The following CLASP1 variants were observed in gnomAD, a reference collection of about 807,000 sequenced individuals.
The protein encoded by CLASP1 is cytoplasmic linker associated protein 1, also known as CLIP-associating protein 1.
A neutral mutation model predicts 192.3 loss-of-function variants in CLASP1; 38 were observed. The ratio of observed to expected loss-of-function variants is 0.20; its 90% CI spans 0.15 to 0.26. The LOEUF (loss-of-function observed/expected upper bound fraction) is 0.26, where lower values mean the gene tolerates loss of function less well. Among genes scored for constraint, CLASP1 ranks in the 10% least tolerant of loss-of-function variants. The probability of loss-of-function intolerance (pLI) is 1.00; values close to 1 mark genes in which losing one functional copy is unlikely to be tolerated. For missense variants in CLASP1, 1,433 were observed against 1,932.5 expected (o/e 0.74, Z 4.85); for synonymous variants, 691 against 712.8 (o/e 0.97, Z 0.49).
At position 121,384,173 on chromosome 2, in the gene CLASP1, C is replaced by T. The variant is rs972519052; in HGVS notation, c.3375-1849G>A. 9.0e-3 allele frequency among the ~76,000 whole-genome samples: 1,333 copies of T among 148,558 alleles called. 25 individuals carry two copies. The highest frequency in any genetic ancestry group is 0.032 in the African/African-American group (1,269 of 39,910). The stretch of plus-strand genomic sequence containing the variant: ...ACACACACACATATATATATATACA[C>T]ACACACACACACACACACACATTTT... On this transcript the variant is annotated intron_variant, in intron 32 of 39. Transcript: ENST00000263710.
At chr2:121,475,307 T>C (rs544672640) in intron 8 of CLASP1, among the ~76,000 whole-genome samples, 4 of 152,354 alleles carry the variant, frequency 2.6e-5, no homozygotes, top group Admixed American at 2.6e-4. Flanking sequence ...TTAACTAACA[T>C]ACTGTTTAAA....
intron 35 of CLASP1, 47 bp downstream of exon 36, chr2:121,367,541 A>G: frequency 6.2e-7 from 1 of 1,611,056 alleles, no homozygotes; most frequent in Non-Finnish European, 8.5e-7. Flanking sequence ...GAGGGAGCAC[A>G]AGGGAAGCAC....
At chr2:121,346,167 G>A (rs534356433) in intron 39 of CLASP1, among the ~76,000 whole-genome samples, 90 of 152,336 alleles carry the variant, frequency 5.9e-4, no homozygotes, top group African/African-American at 2.0e-3. Flanking sequence ...CACTGGCTTC[G>A]TTTGATAGAG....
intron 14 of CLASP1, among the ~76,000 whole-genome samples, chr2:121,455,760 A>C (rs987637346): frequency 1.4e-4 from 22 of 152,024 alleles, no homozygotes; most frequent in African/African-American, 5.3e-4. Flanking sequence ...TACTTGGGAG[A>C]CTGAGGCGGG....
intron 19 of CLASP1, among the ~76,000 whole-genome samples, chr2:121,444,338 T>C (rs1322679896): frequency 6.6e-6 from 1 of 152,024 alleles, no homozygotes; most frequent in Non-Finnish European, 1.5e-5. Context: ...GATGAGGGGA[T>C]GAATGAGAGT....
intron 2 of CLASP1, among the ~76,000 whole-genome samples, chr2:121,557,346 G>C (rs1029558877): frequency 2.0e-5 from 3 of 152,172 alleles, no homozygotes; most frequent in African/African-American, 7.2e-5. Context: ...AGCACTTTGA[G>C]AGGCTGAGGC....
At chr2:121,598,726 A>T (rs966177006) in intron 2 of CLASP1, among the ~76,000 whole-genome samples, 2 of 152,220 alleles carry the variant, frequency 1.3e-5, no homozygotes, top group African/African-American at 4.8e-5. Context: ...ATGAGATAAG[A>T]CAGAGAACAT....
intron 6 of CLASP1, among the ~76,000 whole-genome samples, chr2:121,525,390 C>T (rs935548725): frequency 6.6e-6 from 1 of 152,144 alleles, no homozygotes; most frequent in Admixed American, 6.5e-5. Flanking sequence ...ATGATATACA[C>T]AGTGGAGCCA....
intron 32 of CLASP1, among the ~76,000 whole-genome samples, chr2:121,384,421 G>T (rs2072708955): frequency 6.6e-6 from 1 of 151,948 alleles, no homozygotes; most frequent in Non-Finnish European, 1.5e-5. Flanking sequence ...CTCCTGGGCT[G>T]AAGCAATCCT....
chr2:121,361,648 C>T (rs2149227257), intron 37 of CLASP1, among the ~76,000 whole-genome samples: 1 of 152,096 alleles, frequency 6.6e-6, no homozygotes, highest in Non-Finnish European at 1.5e-5. Context: ...TTATGTGTGG[C>T]CTAAGACAAT....
At chr2:121,509,720 C>T (rs1477815002) in intron 7 of CLASP1, among the ~76,000 whole-genome samples, 5 of 152,088 alleles carry the variant, frequency 3.3e-5, no homozygotes, top group African/African-American at 1.2e-4. Flanking sequence ...CATCTGTAAT[C>T]CCAGCTACTT....
At position 121,421,199 on chromosome 2, in the gene CLASP1, ATAC is replaced by A. The variant is rs533747708; in HGVS notation, c.2213-2473_2213-2471del. 2.1e-3 allele frequency among the ~76,000 whole-genome samples: 323 copies of A among 152,342 alleles called. 1 individual carries two copies. Among genetic ancestry groups the A allele is most frequent in the African/African-American group, 7.3e-3 (304 of 41,582 alleles). ...ATACAAGAGAAATACAAACTCACTTATACTACTACTTTGAAAGACTAATCTAAA... is the reference window on the plus strand; with the variant it reads ...ATACAAGAGAAATACAAACTCACTTATACTACTTTGAAAGACTAATCTAAA... On this transcript the variant is annotated intron_variant, in intron 22 of 39. Coordinates refer to ENST00000263710, the Ensembl canonical transcript of CLASP1.
chr2:121,418,630 G>A lies in CLASP1; in HGVS notation c.2312C>T (p.Pro771Leu), dbSNP rs930215943. 5.0e-6 allele frequency: 8 copies of A among 1,612,446 alleles called. No individual in the cohort carries two copies. Among genetic ancestry groups the A allele is most frequent in the Non-Finnish European group, 6.8e-6 (8 of 1,178,736 alleles). The change falls in exon 23 of 40, where the codon CCT becomes CTT. Residue 771 changes from proline (P) to leucine (L), a missense_variant. Pro to Leu is a moderately conservative substitution (Grantham distance 98). This residue lies in a region of CLASP1 where 445 missense variants were observed against 535.5 expected (regional missense o/e 0.83). Coordinates refer to ENST00000263710, the Ensembl canonical transcript of CLASP1. ...CACCTACGTGTACTCACCAAGTGGA[G>A]GAAAGCCCCGAGCAGGGCTTGTATC... is the stretch of plus-strand genomic sequence containing the variant.
intron 19 of CLASP1, among the ~76,000 whole-genome samples, chr2:121,443,198 G>T (rs78323944): frequency 6.6e-6 from 1 of 150,900 alleles, no homozygotes; most frequent in East Asian, 1.9e-4. Context: ...TCTCCCAGAA[G>T]AAGGAAAAAC....
intron 2 of CLASP1, among the ~76,000 whole-genome samples, chr2:121,572,181 C>A (rs1206536188): frequency 6.6e-6 from 1 of 152,224 alleles, no homozygotes; most frequent in Non-Finnish European, 1.5e-5. Flanking sequence ...GTAATCCCAG[C>A]ACTTTGGGAG....
chr2:121,469,726 C>G, intron 9 of CLASP1, 82 bp downstream of exon 9: 1 of 1,392,650 alleles, frequency 7.2e-7, no homozygotes, highest in Non-Finnish European at 9.6e-7. Flanking sequence ...CTTCTGAGGG[C>G]CACCACAGGC....
chr2:121,557,297 A>C (rs968730746), intron 2 of CLASP1, among the ~76,000 whole-genome samples: 3 of 152,172 alleles, frequency 2.0e-5, no homozygotes, highest in African/African-American at 7.2e-5. Context: ...TAGAATATCT[A>C]TTATGTGGCC....
At chr2:121,375,506 G>A (rs981442092) in intron 34 of CLASP1, among the ~76,000 whole-genome samples, 4 of 151,764 alleles carry the variant, frequency 2.6e-5, no homozygotes, top group African/African-American at 7.3e-5. Flanking sequence ...TGGGACTACA[G>A]GTGTGCACCA....
At chr2:121,423,711 T>C (rs1000758762) in intron 22 of CLASP1, among the ~76,000 whole-genome samples, 1 of 152,166 alleles carries the variant, frequency 6.6e-6, no homozygotes, top group African/African-American at 2.4e-5. Context: ...TATGATTGTA[T>C]CCACATCAAC....
Sources: gnomAD v4.1 joint callset for allele counts (sites outside exome capture counted in the v4.1 genomes callset) on GRCh38, gnomAD v4.1.1 for gene constraint, gnomAD v4.1.1 regional missense constraint, MANE v1.5 for transcripts, NCBI Gene and HGNC (gene_info 2026-07-23, HGNC 2026-07-21) for gene names.